MDGA2: variants seen among roughly 807,000 people sequenced by gnomAD.
The protein encoded by MDGA2 is MAM domain containing glycosylphosphatidylinositol anchor 2.
In MDGA2, 40 loss-of-function variants were observed where a neutral mutation model predicts 117.8. The observed-to-expected ratio is 0.34, with a 90% CI of 0.26 to 0.44. MDGA2 has a LOEUF of 0.44. Ranked by LOEUF, MDGA2 falls within the 20% of genes least tolerant of loss-of-function variation. The pLI, the probability that MDGA2 is intolerant of heterozygous loss-of-function variation, is 1.00. For synonymous variants in MDGA2, 452 were observed against 439.0 expected (o/e 1.03, Z -0.37); for missense variants, 1,123 against 1,250.6 (o/e 0.90, Z 1.54).
chr14:47,080,916 C>T (rs144038931), intron 6 of MDGA2, among the ~76,000 whole-genome samples: 14 of 152,246 alleles, frequency 9.2e-5, no homozygotes, highest in Non-Finnish European at 1.8e-4. Context: ...TTTCACATAT[C>T]CTACTTTTAC....
chr14:47,240,135 C>T (rs1212502355), intron 2 of MDGA2, among the ~76,000 whole-genome samples: 1 of 151,658 alleles, frequency 6.6e-6, no homozygotes, highest in African/African-American at 2.4e-5. Context: ...ACTTCTGCCT[C>T]CCTGGTTCAA....
At chr14:47,336,278 T>TG (rs1378571352) in intron 1 of MDGA2, among the ~76,000 whole-genome samples, 2 of 151,814 alleles carry the variant, frequency 1.3e-5, no homozygotes, top group African/African-American at 4.8e-5. Flanking sequence ...GACAGAGTGA[T>TG]GGGAAGCAGG....
chr14:47,597,545 T>C (rs1896566596), intron 1 of MDGA2, among the ~76,000 whole-genome samples: 1 of 152,102 alleles, frequency 6.6e-6, no homozygotes, highest in African/African-American at 2.4e-5. Context: ...TATTTTTATA[T>C]CTCAGAAATT....
At chr14:47,621,838 G>T (rs1249683887) in intron 1 of MDGA2, among the ~76,000 whole-genome samples, 1 of 152,136 alleles carries the variant, frequency 6.6e-6, no homozygotes, top group Non-Finnish European at 1.5e-5. Flanking sequence ...GCCAACATAC[G>T]TTGTAAGCGA....
chr14:47,631,043 A>G (rs1292864748), intron 1 of MDGA2, among the ~76,000 whole-genome samples: 1 of 152,204 alleles, frequency 6.6e-6, no homozygotes, highest in Non-Finnish European at 1.5e-5. Flanking sequence ...AAGATAGGTA[A>G]AAAATCCTCT....
intron 8 of MDGA2, among the ~76,000 whole-genome samples, chr14:46,977,948 C>T (rs1886529581): frequency 6.6e-6 from 1 of 151,824 alleles, no homozygotes; most frequent in African/African-American, 2.4e-5. Context: ...TAAATTTCAT[C>T]TCCAAAAATG....
intron 5 of MDGA2, among the ~76,000 whole-genome samples, chr14:47,110,822 C>T (rs958250160): frequency 2.6e-5 from 4 of 152,110 alleles, no homozygotes; most frequent in Non-Finnish European, 5.9e-5. Flanking sequence ...CTATGTTTGG[C>T]TACTCAAATG....
At chr14:47,355,544 C>G (rs1890974884) in intron 1 of MDGA2, among the ~76,000 whole-genome samples, 1 of 151,886 alleles carries the variant, frequency 6.6e-6, no homozygotes, top group Admixed American at 6.6e-5. Context: ...AGAAAAGGAC[C>G]CTATAGATAT....
intron 1 of MDGA2, among the ~76,000 whole-genome samples, chr14:47,362,561 T>C (rs1290588503): frequency 6.6e-6 from 1 of 152,202 alleles, no homozygotes; most frequent in Non-Finnish European, 1.5e-5. Context: ...GCCTTATATA[T>C]ATTTTCACCA....
intron 8 of MDGA2, among the ~76,000 whole-genome samples, chr14:46,985,840 C>A (rs889672808): frequency 6.6e-6 from 1 of 152,070 alleles, no homozygotes; most frequent in Non-Finnish European, 1.5e-5. Flanking sequence ...TTAAGAATCA[C>A]AGACCTCTTC....
chr14:47,066,385 G>A (rs538302799), intron 6 of MDGA2, among the ~76,000 whole-genome samples: 79 of 152,266 alleles, frequency 5.2e-4, no homozygotes, highest in African/African-American at 1.7e-3. Context: ...TTGCAGTCTT[G>A]TGTTCTGAGA....
At chr14:47,411,868 G>A (rs767009150) in intron 1 of MDGA2, among the ~76,000 whole-genome samples, 4 of 152,072 alleles carry the variant, frequency 2.6e-5, no homozygotes, top group Non-Finnish European at 5.9e-5. Flanking sequence ...CCAAAGACCC[G>A]TAAGACTTCC....
chr14:47,412,109 C>A (rs962937293), intron 1 of MDGA2, among the ~76,000 whole-genome samples: 15 of 152,084 alleles, frequency 9.9e-5, no homozygotes, highest in Non-Finnish European at 1.5e-4. Context: ...AAAACACTCA[C>A]AACTGTCTTC....
intron 8 of MDGA2, among the ~76,000 whole-genome samples, chr14:46,969,435 C>T (rs931575417): frequency 4.6e-5 from 7 of 152,070 alleles, no homozygotes; most frequent in African/African-American, 1.7e-4. Context: ...TTTTAATGAT[C>T]ACCATGCTAA....
intron 8 of MDGA2, among the ~76,000 whole-genome samples, chr14:46,983,925 C>T (rs1370827880): frequency 6.6e-6 from 1 of 151,690 alleles, no homozygotes; most frequent in Non-Finnish European, 1.5e-5. Context: ...TTATAATTAA[C>T]ATGAATAGAA....
chr14:47,188,159 A>G (rs1884979852), intron 3 of MDGA2, among the ~76,000 whole-genome samples: 1 of 152,122 alleles, frequency 6.6e-6, no homozygotes, highest in South Asian at 2.1e-4. Context: ...CAAAAACCCA[A>G]TGATTGCCTC....
Position 47,486,026 on chromosome 14 carries a change from G to GA in MDGA2, c.281-184477dup, listed in dbSNP as rs529234086. On this transcript the variant is annotated intron_variant, in intron 1 of 16. Coordinates refer to ENST00000399232, the MANE Select transcript of MDGA2 (RefSeq NM_001113498.3). ...GAGGCACTGCCTAGTGCAGCTGTGA[G>GA]AAGAGTGCCACTGTCCTCCAGACCC... Among the ~76,000 whole-genome samples the GA allele has an allele frequency of 6.2e-4, 95 of 152,326 alleles. 1 individual carries two copies. The East Asian group carries it at 0.013, about 21-fold the overall frequency.
At chr14:46,845,961 G>C (rs1236228751) in intron 15 of MDGA2, 90 bp from the exon 16 acceptor site, 4 of 899,448 alleles carry the variant, frequency 4.4e-6, no homozygotes, top group Non-Finnish European at 7.2e-6. Context: ...AAATAAACTT[G>C]TCAGTAATCC....
At chr14:46,916,998 TG>T (rs1250232359) in intron 10 of MDGA2, among the ~76,000 whole-genome samples, 2 of 111,414 alleles carry the variant, frequency 1.8e-5, no homozygotes, top group East Asian at 4.8e-4. Flanking sequence ...ACTAGAAATA[TG>T]TTTTTTTTTT....
Sources: gnomAD v4.1 joint callset for allele counts (sites outside exome capture counted in the v4.1 genomes callset) on GRCh38, gnomAD v4.1.1 for gene constraint, MANE v1.5 for transcripts, NCBI Gene and HGNC (gene_info 2026-07-23, HGNC 2026-07-21) for gene names.